The following ITGBL1 variants were observed in gnomAD, a reference collection of about 807,000 sequenced individuals.
ITGBL1 encodes the protein integrin beta-like protein 1.
ITGBL1 carries 51 observed loss-of-function variants against 68.5 expected under a neutral mutation model. The ratio of observed to expected loss-of-function variants is 0.74; its 90% CI spans 0.59 to 0.94. ITGBL1 has a LOEUF of 0.94. Among genes scored for constraint, ITGBL1 ranks in the 40% least tolerant of loss-of-function variants. The pLI is 0.00. For synonymous variants in ITGBL1, 209 were observed against 227.3 expected, an observed-to-expected ratio of 0.92 and a Z score of 0.72; for missense variants, 649 against 647.4, an observed-to-expected ratio of 1.00 and a Z score of -0.03.
At chr13:101,668,480 TG>T (rs2033278981) in intron 7 of ITGBL1, among the ~76,000 whole-genome samples, 1 of 152,186 alleles carries the variant, frequency 6.6e-6, no homozygotes, top group Non-Finnish European at 1.5e-5. Flanking sequence ...CTAATATTGT[TG>T]GTTTAAGAAA....
At chr13:101,508,658 T>C (rs981818380) in intron 2 of ITGBL1, among the ~76,000 whole-genome samples, 3 of 152,152 alleles carry the variant, frequency 2.0e-5, no homozygotes, top group Non-Finnish European at 4.4e-5. Flanking sequence ...GTCATATTTT[T>C]GAAATAAAAT....
At chr13:101,580,050 T>C (rs1049304367) in intron 5 of ITGBL1, among the ~76,000 whole-genome samples, 1 of 152,146 alleles carries the variant, frequency 6.6e-6, no homozygotes, top group African/African-American at 2.4e-5. Flanking sequence ...TGATGTAAAA[T>C]CAAACAGTTT....
chr13:101,575,636 C>G (rs1566738702), intron 4 of ITGBL1, 90 bp downstream of exon 4: 2 of 1,262,746 alleles, frequency 1.6e-6, no homozygotes, highest in Non-Finnish European at 2.3e-6. Flanking sequence ...AGTTTCTGCT[C>G]TAGGTGTGCT....
At chr13:101,465,019 C>G (rs2048364952) in intron 2 of ITGBL1, among the ~76,000 whole-genome samples, 1 of 152,148 alleles carries the variant, frequency 6.6e-6, no homozygotes, top group Non-Finnish European at 1.5e-5. Context: ...GCCATGAAAA[C>G]AATGACGTAT....
chr13:101,540,035 GTGCAGAAGCTCTT>G (rs1407563972), intron 2 of ITGBL1, among the ~76,000 whole-genome samples: 2 of 152,130 alleles, frequency 1.3e-5, no homozygotes, highest in African/African-American at 4.8e-5. Flanking sequence ...TTATTTTGCT[GTGCAGAAGCTCTT>G]TACTTTAATT....
At chr13:101,455,733 C>T (rs952475986) in intron 2 of ITGBL1, among the ~76,000 whole-genome samples, 6 of 152,202 alleles carry the variant, frequency 3.9e-5, no homozygotes, top group Non-Finnish European at 7.3e-5. Context: ...CGCAGTCCTA[C>T]AAACCGCAGT....
At chr13:101,619,496 A>C (rs1288929456) in intron 7 of ITGBL1, among the ~76,000 whole-genome samples, 1 of 152,200 alleles carries the variant, frequency 6.6e-6, no homozygotes, top group African/African-American at 2.4e-5. Flanking sequence ...TGAAAAGGCC[A>C]GGAAAGAGAT....
At chr13:101,633,329 T>A (rs1205626783) in intron 7 of ITGBL1, among the ~76,000 whole-genome samples, 1 of 152,188 alleles carries the variant, frequency 6.6e-6, no homozygotes, top group Non-Finnish European at 1.5e-5. Flanking sequence ...TGAACTAGAT[T>A]AAGAAGGGTA....
Position 101,591,139 on chromosome 13 carries a change from G to C in ITGBL1, c.869-7014G>C, listed in dbSNP as rs145051235. Among the ~76,000 whole-genome samples, 1,377 of 152,276 alleles carry C rather than the reference G, an allele frequency of 9.0e-3. 22 individuals carry two copies. Among genetic ancestry groups the C allele is most frequent in the African/African-American group, 0.031 (1,301 of 41,552 alleles). On this transcript the variant is annotated intron_variant, in intron 6 of 10. Transcript: ENST00000376180. ...GCTGGTCTTGAACTCCTGAACTCAG[G>C]TTATCTACCTGCCTTGGCCTTCCAA...
intron 7 of ITGBL1, among the ~76,000 whole-genome samples, chr13:101,683,682 C>T (rs533620705): frequency 2.0e-5 from 3 of 152,046 alleles, no homozygotes; most frequent in Admixed American, 2.0e-4. Flanking sequence ...TTTATATTCT[C>T]ACCCTCTGCA....
chr13:101,491,962 T>C (rs984255800), intron 2 of ITGBL1, among the ~76,000 whole-genome samples: 42 of 152,224 alleles, frequency 2.8e-4, no homozygotes, highest in African/African-American at 9.4e-4. Context: ...GGACATGAAC[T>C]CATCCTTTTT....
At chr13:101,534,014 C>T (rs1254052545) in intron 2 of ITGBL1, among the ~76,000 whole-genome samples, 1 of 152,144 alleles carries the variant, frequency 6.6e-6, no homozygotes, top group South Asian at 2.1e-4. Flanking sequence ...GATAGAAAGG[C>T]ATTCAGAAAA....
intron 7 of ITGBL1, among the ~76,000 whole-genome samples, chr13:101,675,593 G>T (rs1323007472): frequency 3.9e-5 from 6 of 152,042 alleles, no homozygotes; most frequent in African/African-American, 1.4e-4. Flanking sequence ...TCACCTTAAT[G>T]ATCTCCTTTA....
chr13:101,561,672 G>A (rs151175885), intron 2 of ITGBL1, among the ~76,000 whole-genome samples: 25 of 152,244 alleles, frequency 1.6e-4, no homozygotes, highest in African/African-American at 4.8e-4. Flanking sequence ...CCATGCAAGC[G>A]TGGGGAAAAT....
intron 7 of ITGBL1, among the ~76,000 whole-genome samples, chr13:101,659,237 G>C (rs1335223178): frequency 2.0e-5 from 3 of 151,796 alleles, no homozygotes; most frequent in African/African-American, 7.3e-5. Context: ...ATTAAACATA[G>C]CTTTAAGAAC....
intron 7 of ITGBL1, among the ~76,000 whole-genome samples, chr13:101,633,763 T>C (rs975972950): frequency 6.6e-6 from 1 of 152,204 alleles, no homozygotes; most frequent in African/African-American, 2.4e-5. Flanking sequence ...GGGGTTATTA[T>C]TGTGGCAAAA....
chr13:101,596,648 T>C (rs556678320), intron 6 of ITGBL1, among the ~76,000 whole-genome samples: 1 of 152,318 alleles, frequency 6.6e-6, no homozygotes, highest in Admixed American at 6.5e-5. Context: ...TGTCAGTTCA[T>C]GGCCCCCAGT....
At chr13:101,499,531 C>T (rs2048908339) in intron 2 of ITGBL1, among the ~76,000 whole-genome samples, 4 of 152,140 alleles carry the variant, frequency 2.6e-5, no homozygotes, top group Admixed American at 2.6e-4. Context: ...TTCGTTTCTC[C>T]CGACTTTGAC....
chr13:101,465,825 A>G (rs16951694), intron 2 of ITGBL1, among the ~76,000 whole-genome samples: 5,385 of 152,322 alleles, frequency 0.035, 325 homozygotes, highest in African/African-American at 0.12. Flanking sequence ...TGTTCAGTGA[A>G]TAAATGAGAT....
Sources: gnomAD v4.1 joint callset for allele counts (sites outside exome capture counted in the v4.1 genomes callset) on GRCh38, gnomAD v4.1.1 for gene constraint, MANE v1.5 for transcripts, NCBI Gene and HGNC (gene_info 2026-07-23, HGNC 2026-07-21) for gene names.